MVB12B: variants seen among roughly 807,000 people sequenced by gnomAD.
The protein encoded by MVB12B is multivesicular body subunit 12B.
A neutral mutation model predicts 41.6 loss-of-function variants in MVB12B; 16 were observed. The ratio of observed to expected loss-of-function variants is 0.38; its 90% CI spans 0.26 to 0.58. The LOEUF is 0.58. Ranked by LOEUF, MVB12B falls within the 20% of genes least tolerant of loss-of-function variation. The pLI, the probability that MVB12B is intolerant of heterozygous loss-of-function variation, is 0.62. For missense variants in MVB12B, 274 were observed against 380.2 expected (o/e 0.72, Z 2.32); for synonymous variants, 133 against 139.7 (o/e 0.95, Z 0.34).
intron 2 of MVB12B, among the ~76,000 whole-genome samples, chr9:126,346,733 C>T (rs1829599565): frequency 6.6e-6 from 1 of 152,022 alleles, no homozygotes. Context: ...AGAGGAGGCA[C>T]TCAAAAGGGG....
intron 7 of MVB12B, among the ~76,000 whole-genome samples, chr9:126,432,421 C>T (rs959487936): frequency 5.3e-5 from 8 of 152,190 alleles, no homozygotes; most frequent in South Asian, 2.1e-4. Flanking sequence ...TTCTCTACCT[C>T]TGTCTCTCTC....
At chr9:126,469,194 T>C (rs548733658) in intron 7 of MVB12B, among the ~76,000 whole-genome samples, 1 of 152,118 alleles carries the variant, frequency 6.6e-6, no homozygotes, top group Admixed American at 6.5e-5. Context: ...AAAAAAATAA[T>C]ATTCTGTCCT....
chr9:126,440,993 A>T (rs1475942350), intron 7 of MVB12B, among the ~76,000 whole-genome samples: 2 of 152,224 alleles, frequency 1.3e-5, no homozygotes, highest in African/African-American at 2.4e-5. Context: ...TTAGCGGATG[A>T]TGAATGCGGC....
intron 7 of MVB12B, among the ~76,000 whole-genome samples, chr9:126,471,426 G>C (rs10819163): frequency 2.6e-5 from 4 of 152,024 alleles, no homozygotes; most frequent in Non-Finnish European, 5.9e-5. Flanking sequence ...GGGAGGCTCC[G>C]GCAGTGGCTG....
In MVB12B at chr9:126,386,693, G is replaced by A; in HGVS notation, c.409+35G>A. On this transcript the variant is annotated intron_variant, in intron 4 of 9. Transcript: ENST00000361171. This position sits in a 1 kb window ranked among gnomAD's most constrained non-coding sequence, Gnocchi z 4.3. ...CCTTTAGTAGCACTCATCACAATGA[G>A]CGTTTTCTTCCTCCAGGTATATTTG... 6.8e-7 allele frequency: 1 copy of A among 1,460,566 alleles called. No homozygotes were observed. The highest frequency in any genetic ancestry group is 9.6e-7 in the Non-Finnish European group (1 of 1,041,722). The allele number at this position is 1,460,566 out of a possible 1,614,324, so 90.5% of individuals were successfully genotyped here.
intron 9 of MVB12B, among the ~76,000 whole-genome samples, chr9:126,487,683 CTT>C (rs1476623808): frequency 6.6e-6 from 1 of 151,248 alleles, no homozygotes; most frequent in Admixed American, 6.6e-5. Flanking sequence ...ATAGAAATCA[CTT>C]GAGCCCAGGA....
At chr9:126,434,242 GT>G in intron 7 of MVB12B, among the ~76,000 whole-genome samples, 1 of 139,528 alleles carries the variant, frequency 7.2e-6, no homozygotes, top group Admixed American at 7.1e-5. Context: ...ATGCATTTAT[GT>G]TTAAAAAAAA....
At chr9:126,343,146 A>G (rs975248649) in intron 2 of MVB12B, among the ~76,000 whole-genome samples, 4 of 152,192 alleles carry the variant, frequency 2.6e-5, no homozygotes, top group African/African-American at 9.6e-5. Flanking sequence ...TCTCTGGGTC[A>G]GGGGAGCCTT....
At chr9:126,359,879 A>G (rs915976359) in intron 2 of MVB12B, among the ~76,000 whole-genome samples, 3 of 152,074 alleles carry the variant, frequency 2.0e-5, no homozygotes, top group East Asian at 3.8e-4. Flanking sequence ...AATTTAATCA[A>G]TCTTCTCAAA....
chr9:126,468,205 C>T lies in MVB12B; in HGVS notation c.758-13164C>T, dbSNP rs1375174707. 6.6e-6 allele frequency among the ~76,000 whole-genome samples: 1 copy of T among 152,210 alleles called. No individual in the cohort carries two copies. ...ACCATGTTCCAGAATATTTCATCTTCTCTCATGGTCTCAATTATCACCATG... is the reference window on the plus strand; with the variant it reads ...ACCATGTTCCAGAATATTTCATCTTTTCTCATGGTCTCAATTATCACCATG... On this transcript the variant is annotated intron_variant, in intron 7 of 9. Transcript: ENST00000361171. The surrounding 1 kb of genome is among the most constrained non-coding windows in gnomAD (Gnocchi z 4.3).
At chr9:126,440,264 A>G (rs1401905448) in intron 7 of MVB12B, among the ~76,000 whole-genome samples, 1 of 152,194 alleles carries the variant, frequency 6.6e-6, no homozygotes, top group African/African-American at 2.4e-5. Context: ...AACTGTGCAC[A>G]GGACATGTGC....
intron 9 of MVB12B, among the ~76,000 whole-genome samples, chr9:126,488,256 G>GC (rs1231720290): frequency 3.3e-5 from 5 of 150,518 alleles, no homozygotes; most frequent in African/African-American, 9.8e-5. Flanking sequence ...AGGTCTGGCT[G>GC]CCCTTAGTGA....
chr9:126,397,320 GA>G, intron 6 of MVB12B: 2 of 985,460 alleles, frequency 2.0e-6, no homozygotes, highest in Non-Finnish European at 2.4e-6. Context: ...TGGTGACTGT[GA>G]GAGCAAAGTC....
chr9:126,430,274 C>T (rs1483461741), intron 7 of MVB12B, among the ~76,000 whole-genome samples: 1 of 152,170 alleles, frequency 6.6e-6, no homozygotes, highest in Non-Finnish European at 1.5e-5. Context: ...CTGTCAACAA[C>T]CAGCCCCACC....
chr9:126,407,975 C>T (rs1831494606), intron 6 of MVB12B: 1 of 152,142 alleles, frequency 6.6e-6, no homozygotes, highest in Admixed American at 6.5e-5. Context: ...GAAGAACCCC[C>T]AAACCTTCCG....
intron 7 of MVB12B, among the ~76,000 whole-genome samples, chr9:126,463,935 G>A (rs1833142322): frequency 6.6e-6 from 1 of 152,170 alleles, no homozygotes; most frequent in African/African-American, 2.4e-5. Flanking sequence ...CCGTACTTGG[G>A]CAGATAAGTG....
chr9:126,358,038 G>A (rs1436471906), intron 2 of MVB12B, among the ~76,000 whole-genome samples: 1 of 151,966 alleles, frequency 6.6e-6, no homozygotes, highest in Non-Finnish European at 1.5e-5. Context: ...TTTATATATA[G>A]CTGTCCAATT....
In MVB12B at chr9:126,379,742, C is replaced by T. The variant is rs10121327; in HGVS notation, c.205-1322C>T. On this transcript the variant is annotated intron_variant, in intron 2 of 9. Coordinates refer to ENST00000361171, the MANE Select transcript of MVB12B (RefSeq NM_033446.3). ...CTGAGGCAGCCTCAGAGAGCGTGGC[C>T]GTGGTGGGCTCCAGGAATGTCCTGG... Among the ~76,000 whole-genome samples, 221 of 152,280 alleles carry T rather than the reference C, an allele frequency of 1.5e-3. 1 individual carries two copies. The highest frequency in any genetic ancestry group is 5.1e-3 in the African/African-American group (214 of 41,556).
intron 2 of MVB12B, among the ~76,000 whole-genome samples, chr9:126,362,699 GTTAA>G (rs1275307343): frequency 2.0e-5 from 3 of 152,192 alleles, no homozygotes; most frequent in African/African-American, 7.2e-5. Context: ...CCAAGGAACA[GTTAA>G]TTTTTACATC....
Sources: allele counts gnomAD v4.1 joint callset (sites outside exome capture counted in the v4.1 genomes callset), GRCh38; gene constraint gnomAD v4.1.1; non-coding constraint Gnocchi (gnomAD v3.1); transcripts MANE v1.5; gene names NCBI Gene and HGNC (gene_info 2026-07-23, HGNC 2026-07-21).